Variants in THRB observed in about 807,000 individuals in gnomAD.
THRB encodes the protein nuclear receptor subfamily 1 group A member 2.
In THRB, 12 loss-of-function variants were observed where a neutral mutation model predicts 47.8. That is an observed-to-expected ratio of 0.25 (90% confidence interval 0.16 to 0.41). THRB has a LOEUF of 0.41. Among genes scored for constraint, THRB ranks in the 10% least tolerant of loss-of-function variants. The pLI, the probability that THRB is intolerant of heterozygous loss-of-function variation, is 1.00. For missense variants in THRB, 348 were observed against 589.2 expected (o/e 0.59, Z 4.24); for synonymous variants, 218 against 212.2 (o/e 1.03, Z -0.24).
At chr3:24,319,762 A>C (rs900969057) in intron 2 of THRB, among the ~76,000 whole-genome samples, 3 of 152,152 alleles carry the variant, frequency 2.0e-5, no homozygotes, top group Non-Finnish European at 4.4e-5. Flanking sequence ...CTAGACGAGT[A>C]GAAGGGACAA....
At chr3:24,493,997 G>C (rs1698600786) in intron 1 of THRB, 7 of 152,346 alleles carry the variant, frequency 4.6e-5, no homozygotes, top group Admixed American at 3.9e-4. Flanking sequence ...CCCAGAGGAA[G>C]ATGCTGCGCC....
chr3:24,158,010 G>A (rs188919602), intron 5 of THRB, among the ~76,000 whole-genome samples: 13 of 152,322 alleles, frequency 8.5e-5, no homozygotes, highest in East Asian at 3.9e-4. Context: ...AAGGGAATAC[G>A]TTGATATAAT....
chr3:24,316,164 C>T (rs2058097827), intron 2 of THRB, among the ~76,000 whole-genome samples: 1 of 152,088 alleles, frequency 6.6e-6, no homozygotes, highest in African/African-American at 2.4e-5. Flanking sequence ...CTTACATAAA[C>T]CTGACAAAGT....
intron 3 of THRB, among the ~76,000 whole-genome samples, chr3:24,281,098 T>C (rs1488232676): frequency 9.2e-5 from 14 of 151,992 alleles, no homozygotes; most frequent in Admixed American, 6.5e-5. Context: ...GCCACAAAGA[T>C]ACTCCTCGAG....
intron 1 of THRB, among the ~76,000 whole-genome samples, chr3:24,438,086 ATTTTT>A (rs60044476): frequency 2.0e-5 from 3 of 150,488 alleles, no homozygotes; most frequent in African/African-American, 7.3e-5. Context: ...GGCAGGCACA[ATTTTT>A]TTTTTTATTT....
At chr3:24,370,295 C>G (rs370363745) in intron 1 of THRB, among the ~76,000 whole-genome samples, 130 of 152,272 alleles carry the variant, frequency 8.5e-4, no homozygotes, top group African/African-American at 3.1e-3. Flanking sequence ...TGGTATGTCA[C>G]TGCCCTGAAA....
intron 4 of THRB, among the ~76,000 whole-genome samples, chr3:24,225,505 G>T (rs1374610406): frequency 6.6e-6 from 1 of 152,170 alleles, no homozygotes; most frequent in Admixed American, 6.5e-5. Flanking sequence ...CAAGTACTTT[G>T]CCAGCTTTAT....
intron 1 of THRB, among the ~76,000 whole-genome samples, chr3:24,415,520 GTTTTT>G (rs1364670594): frequency 6.6e-6 from 1 of 151,694 alleles, no homozygotes; most frequent in African/African-American, 2.4e-5. Flanking sequence ...ATAAATACTT[GTTTTT>G]ATTTCAAAGG....
intron 4 of THRB, among the ~76,000 whole-genome samples, chr3:24,212,382 A>T (rs1038243510): frequency 1.3e-5 from 2 of 151,850 alleles, no homozygotes; most frequent in African/African-American, 4.8e-5. Flanking sequence ...TGGGTGACAG[A>T]GCTAGACTCC....
At chr3:24,399,768 GT>G (rs2067256050) in intron 1 of THRB, among the ~76,000 whole-genome samples, 1 of 151,974 alleles carries the variant, frequency 6.6e-6, no homozygotes, top group Admixed American at 6.6e-5. Context: ...CTTGTCTAAG[GT>G]CACGCATTGA....
intron 4 of THRB, among the ~76,000 whole-genome samples, chr3:24,211,873 T>G (rs991090079): frequency 1.3e-5 from 2 of 152,244 alleles, no homozygotes; most frequent in African/African-American, 4.8e-5. Flanking sequence ...CCAGATCAAT[T>G]GGTCCTAGTT....
chr3:24,450,697 G>C (rs1431233704), intron 1 of THRB, among the ~76,000 whole-genome samples: 1 of 152,006 alleles, frequency 6.6e-6, no homozygotes, highest in East Asian at 1.9e-4. Context: ...GAAAAACTGG[G>C]GTTAAAAAGA....
intron 3 of THRB, among the ~76,000 whole-genome samples, chr3:24,269,534 T>A (rs1049748781): frequency 6.6e-6 from 1 of 152,048 alleles, no homozygotes; most frequent in Non-Finnish European, 1.5e-5. Context: ...CAAGTGATGC[T>A]CCTGCTTCAG....
chr3:24,235,442 C>G (rs1462521817), intron 3 of THRB, among the ~76,000 whole-genome samples: 1 of 152,124 alleles, frequency 6.6e-6, no homozygotes, highest in Admixed American at 6.6e-5. Context: ...CCTTTTGTGG[C>G]CTTTTCAAAC....
intron 3 of THRB, among the ~76,000 whole-genome samples, chr3:24,240,085 C>A (rs2049330225): frequency 6.6e-6 from 1 of 152,140 alleles, no homozygotes; most frequent in Non-Finnish European, 1.5e-5. Context: ...TTTTGGGAAC[C>A]ATGGCTATAA....
At chr3:24,185,836 G>T (rs2042499814) in intron 5 of THRB, among the ~76,000 whole-genome samples, 1 of 152,184 alleles carries the variant, frequency 6.6e-6, no homozygotes, top group Non-Finnish European at 1.5e-5. Context: ...GTACAGTAGG[G>T]CATGAGAGGG....
chr3:24,385,840 T>C (rs981734060), intron 1 of THRB, among the ~76,000 whole-genome samples: 2 of 152,088 alleles, frequency 1.3e-5, no homozygotes, highest in Non-Finnish European at 2.9e-5. Context: ...ATCCTGCCCT[T>C]TTCCTGGAAC....
intron 7 of THRB, among the ~76,000 whole-genome samples, chr3:24,145,760 T>C (rs996367562): frequency 2.6e-5 from 4 of 152,248 alleles, no homozygotes; most frequent in Admixed American, 6.5e-5. Context: ...ATGTGAGTCA[T>C]GATTACTTCT....
intron 3 of THRB, among the ~76,000 whole-genome samples, chr3:24,257,900 G>C (rs763988226): frequency 1.3e-5 from 2 of 152,214 alleles, no homozygotes; most frequent in African/African-American, 2.4e-5. Flanking sequence ...GGAGAACTCT[G>C]CAATTAGAAG....
Sources: allele counts gnomAD v4.1 joint callset (sites outside exome capture counted in the v4.1 genomes callset), GRCh38; gene constraint gnomAD v4.1.1; transcripts MANE v1.5; gene names NCBI Gene and HGNC (gene_info 2026-07-23, HGNC 2026-07-21).